PPP1R16B: variants seen among roughly 807,000 people sequenced by gnomAD.
PPP1R16B encodes the protein protein phosphatase 1 regulatory subunit 16B.
PPP1R16B carries 14 observed loss-of-function variants against 61.7 expected under a neutral mutation model. That is an observed-to-expected ratio of 0.23 (90% CI 0.15 to 0.35). The LOEUF is 0.35. Among genes scored for constraint, PPP1R16B ranks in the 10% least tolerant of loss-of-function variants. The pLI is 1.00. For missense variants in PPP1R16B, 547 were observed against 752.5 expected (o/e 0.73, Z 3.19); for synonymous variants, 266 against 305.3 (o/e 0.87, Z 1.34).
chr20:38,903,177 G>T (rs2085410513), intron 6 of PPP1R16B, among the ~76,000 whole-genome samples: 1 of 152,112 alleles, frequency 6.6e-6, no homozygotes, highest in South Asian at 2.1e-4. Flanking sequence ...TCTCAAGTGG[G>T]GCTTGGAGTT....
At chr20:38,910,793 C>A (rs975716295) in intron 10 of PPP1R16B, among the ~76,000 whole-genome samples, 1 of 151,826 alleles carries the variant, frequency 6.6e-6, no homozygotes, top group Non-Finnish European at 1.5e-5. Context: ...GTCAAGAGAT[C>A]GAGACCATCC....
intron 2 of PPP1R16B, among the ~76,000 whole-genome samples, chr20:38,884,830 G>C (rs1246844757): frequency 6.6e-6 from 1 of 151,818 alleles, no homozygotes; most frequent in Non-Finnish European, 1.5e-5. Flanking sequence ...CCAGGATTTT[G>C]GGGGGCTGAG....
Position 38,835,964 on chromosome 20 carries a change from G to A in PPP1R16B, c.39G>A (p.Leu13=). Residue 13 remains leucine (L), a synonymous_variant, in exon 2 of 11, where the codon CTG becomes CTA. Transcript: ENST00000299824. ...TGGACCTGCTGACGGAGCTGCAGCT[G>A]CTGGAGAAGGTGCCCACGCTGGAGC... The part of the protein sequence containing the change: ...SHVDLLTELQ[L]LEKVPTLERL... 6.5e-7 allele frequency: 1 copy of A among 1,547,670 alleles called. No homozygotes were observed.
At chr20:38,888,951 T>C (rs1236650955) in intron 2 of PPP1R16B, among the ~76,000 whole-genome samples, 2 of 147,500 alleles carry the variant, frequency 1.4e-5, no homozygotes, top group Non-Finnish European at 3.0e-5. Flanking sequence ...TTCTAGGGAT[T>C]GGGGATGGTT....
At chr20:38,829,161 C>G (rs1040462016) in intron 1 of PPP1R16B, among the ~76,000 whole-genome samples, 1 of 152,188 alleles carries the variant, frequency 6.6e-6, no homozygotes, top group African/African-American at 2.4e-5. Flanking sequence ...AGTTAAGGCT[C>G]TAGGGGAAGA....
intron 1 of PPP1R16B, among the ~76,000 whole-genome samples, chr20:38,821,066 CA>C (rs2084770740): frequency 1.3e-5 from 2 of 151,198 alleles, no homozygotes; most frequent in Admixed American, 6.6e-5. Flanking sequence ...AAAATTTGGC[CA>C]TTCTGATAGA....
Position 38,918,367 on chromosome 20 carries a change from T to A in PPP1R16B, c.1405T>A (p.Trp469Arg), listed in dbSNP as rs199736651. ...NPGVADATPP[W>R]SSYKEQSPQT... Reference sequence around the variant, plus strand: ...TGGCGTGGCCGACGCCACCCCGCCCTGGAGCAGCTACAAGGAACAGAGCCC... The same window carrying A: ...TGGCGTGGCCGACGCCACCCCGCCCAGGAGCAGCTACAAGGAACAGAGCCC... Residue 469 changes from tryptophan to arginine, a missense_variant, in exon 11 of 11, where the codon TGG becomes AGG. Physicochemically the swap from Trp to Arg is moderately radical, Grantham distance 101. Transcript: ENST00000299824. The surrounding 1 kb of genome is among the most constrained non-coding windows in gnomAD (Gnocchi z 5.3). The A allele has an allele frequency of 7.9e-5, 128 of 1,613,986 alleles. No individual in the cohort carries two copies.
chr20:38,828,952 A>G (rs971459521), intron 1 of PPP1R16B, among the ~76,000 whole-genome samples: 2 of 152,062 alleles, frequency 1.3e-5, no homozygotes, highest in African/African-American at 2.4e-5. Context: ...CCCCTGCCAT[A>G]TTTTGGGCGA....
chr20:38,832,167 C>A (rs898526289), intron 1 of PPP1R16B, among the ~76,000 whole-genome samples: 30 of 152,210 alleles, frequency 2.0e-4, no homozygotes, highest in African/African-American at 7.0e-4. Flanking sequence ...GGGTAAATGA[C>A]TTAATCACTC....
At chr20:38,832,182 C>T (rs1488235323) in intron 1 of PPP1R16B, among the ~76,000 whole-genome samples, 1 of 152,174 alleles carries the variant, frequency 6.6e-6, no homozygotes, top group Non-Finnish European at 1.5e-5. Context: ...TCACTCTGTG[C>T]CTTAGTTTCC....
At chr20:38,868,202 G>A (rs186151369) in intron 2 of PPP1R16B, among the ~76,000 whole-genome samples, 27 of 152,220 alleles carry the variant, frequency 1.8e-4, no homozygotes, top group Admixed American at 1.6e-3. Context: ...TGTACACGCC[G>A]GGCACAGTCC....
At chr20:38,906,951 G>A (rs769388566) in intron 7 of PPP1R16B, 28 bp from the exon 8 acceptor site, 36 of 1,593,250 alleles carry the variant, frequency 2.3e-5, no homozygotes, top group South Asian at 4.4e-5. Flanking sequence ...TGGGCAGGGG[G>A]ACACATGAGC....
chr20:38,875,779 C>T (rs2085161399), intron 2 of PPP1R16B, among the ~76,000 whole-genome samples: 1 of 151,686 alleles, frequency 6.6e-6, no homozygotes, highest in Admixed American at 6.6e-5. Flanking sequence ...CAGCCAGAAG[C>T]AACAGCAGGC....
intron 1 of PPP1R16B, among the ~76,000 whole-genome samples, chr20:38,807,167 C>T (rs1233915168): frequency 6.6e-6 from 1 of 152,180 alleles, no homozygotes; most frequent in Admixed American, 6.5e-5. Context: ...GTGTACCCTG[C>T]CATTTCCTGC....
intron 2 of PPP1R16B, among the ~76,000 whole-genome samples, chr20:38,837,904 A>G (rs2084883239): frequency 6.6e-6 from 1 of 152,090 alleles, no homozygotes; most frequent in Non-Finnish European, 1.5e-5. Flanking sequence ...TAATTATATT[A>G]TTTTTGTGTC....
At chr20:38,823,420 C>G (rs150425232) in intron 1 of PPP1R16B, among the ~76,000 whole-genome samples, 1,705 of 152,246 alleles carry the variant, frequency 0.011, 13 homozygotes, top group Non-Finnish European at 0.019. Context: ...GCTGGCGGAT[C>G]ACTTGAGGTC....
intron 2 of PPP1R16B, among the ~76,000 whole-genome samples, chr20:38,878,342 T>A (rs2085183253): frequency 6.6e-6 from 1 of 152,068 alleles, no homozygotes; most frequent in Admixed American, 6.5e-5. Flanking sequence ...GGGAGGTAGT[T>A]TTGGGACAGC....
intron 2 of PPP1R16B, among the ~76,000 whole-genome samples, chr20:38,849,861 TGAGGTCAAGCG>T (rs1465254539): frequency 6.6e-6 from 1 of 152,152 alleles, no homozygotes; most frequent in Non-Finnish European, 1.5e-5. Context: ...TTTTTAACAT[TGAGGTCAAGCG>T]CTGCATTTAT....
At chr20:38,874,478 G>A (rs1324928392) in intron 2 of PPP1R16B, among the ~76,000 whole-genome samples, 1 of 152,200 alleles carries the variant, frequency 6.6e-6, no homozygotes, top group African/African-American at 2.4e-5. Context: ...TGACACATCT[G>A]AGATCAAACC....
Sources: gnomAD v4.1 joint callset for allele counts (sites outside exome capture counted in the v4.1 genomes callset) on GRCh38, gnomAD v4.1.1 for gene constraint, Gnocchi (gnomAD v3.1) non-coding constraint, MANE v1.5 for transcripts, NCBI Gene and HGNC (gene_info 2026-07-23, HGNC 2026-07-21) for gene names.